The following PLXDC2 variants were observed in gnomAD, a reference collection of about 807,000 sequenced individuals.
The protein encoded by PLXDC2 is plexin domain-containing protein 2.
PLXDC2 carries 40 observed loss-of-function variants against 68.9 expected under a neutral mutation model. The observed-to-expected ratio is 0.58, with a 90% CI of 0.45 to 0.76. The LOEUF is 0.76. PLXDC2 is among the 30% of genes least tolerant of loss of function. PLXDC2 has a pLI of 0.00. For synonymous variants in PLXDC2, 243 were observed against 234.2 expected (o/e 1.04, Z -0.34); for missense variants, 644 against 661.9 (o/e 0.97, Z 0.30).
intron 1 of PLXDC2, among the ~76,000 whole-genome samples, chr10:19,856,293 C>G (rs1156438545): frequency 6.6e-6 from 1 of 151,618 alleles, no homozygotes; most frequent in Non-Finnish European, 1.5e-5. Context: ...TAGGCTTTGG[C>G]ATGATAACAT....
chr10:19,899,442 C>T (rs184843937), intron 1 of PLXDC2, among the ~76,000 whole-genome samples: 4 of 152,124 alleles, frequency 2.6e-5, no homozygotes, highest in Non-Finnish European at 5.9e-5. Context: ...TTTAAATTAC[C>T]AACTGTTGCC....
chr10:19,861,544 A>T (rs1837320253), intron 1 of PLXDC2, among the ~76,000 whole-genome samples: 1 of 152,102 alleles, frequency 6.6e-6, no homozygotes, highest in Non-Finnish European at 1.5e-5. Flanking sequence ...TTCAGCCTCA[A>T]TTTATGCCTC....
chr10:19,866,089 T>C (rs1032589160), intron 1 of PLXDC2, among the ~76,000 whole-genome samples: 1 of 152,236 alleles, frequency 6.6e-6, no homozygotes, highest in Non-Finnish European at 1.5e-5. Context: ...GTAGTTTTCT[T>C]GGCTCTTTAG....
intron 1 of PLXDC2, among the ~76,000 whole-genome samples, chr10:19,991,257 AAAC>A (rs1261297568): frequency 6.5e-4 from 98 of 151,790 alleles, no homozygotes; most frequent in Middle Eastern, 3.4e-3. Context: ...AAAAAAAAAA[AAAC>A]AACAACTGTG....
At chr10:20,194,998 C>A (rs1035771912) in intron 9 of PLXDC2, among the ~76,000 whole-genome samples, 4 of 151,768 alleles carry the variant, frequency 2.6e-5, no homozygotes, top group Non-Finnish European at 4.4e-5. Flanking sequence ...ATAGTGCTTA[C>A]CTGAAAGATT....
chr10:20,260,802 A>T (rs1835800154), intron 13 of PLXDC2, among the ~76,000 whole-genome samples: 1 of 152,156 alleles, frequency 6.6e-6, no homozygotes, highest in Non-Finnish European at 1.5e-5. Context: ...ACCAGTTTAC[A>T]TTTCCCCCAA....
chr10:19,907,086 A>G (rs927822276), intron 1 of PLXDC2, among the ~76,000 whole-genome samples: 1 of 152,240 alleles, frequency 6.6e-6, no homozygotes, highest in African/African-American at 2.4e-5. Context: ...AGGAAGATTT[A>G]TTGTGGCATG....
chr10:20,033,476 C>T (rs1174947861), intron 2 of PLXDC2, among the ~76,000 whole-genome samples: 2 of 152,042 alleles, frequency 1.3e-5, no homozygotes, highest in African/African-American at 2.4e-5. Context: ...TCTCATGCTA[C>T]TAAATAAAGA....
At chr10:19,991,825 A>T (rs1239984226) in intron 1 of PLXDC2, among the ~76,000 whole-genome samples, 2 of 152,266 alleles carry the variant, frequency 1.3e-5, no homozygotes, top group East Asian at 3.9e-4. Context: ...AAAAGAATTG[A>T]TTACATCTGG....
intron 1 of PLXDC2, among the ~76,000 whole-genome samples, chr10:19,871,581 C>T (rs1001098647): frequency 6.6e-6 from 1 of 152,026 alleles, no homozygotes; most frequent in Non-Finnish European, 1.5e-5. Flanking sequence ...GAGTCTTTTC[C>T]TCTAGTGTAT....
intron 4 of PLXDC2, among the ~76,000 whole-genome samples, chr10:20,135,474 A>C (rs570945642): frequency 6.6e-6 from 1 of 152,338 alleles, no homozygotes; most frequent in East Asian, 1.9e-4. Context: ...TTCTTTGAGG[A>C]ACAAGATGGA....
chr10:19,875,327 G>A (rs991782425), intron 1 of PLXDC2, among the ~76,000 whole-genome samples: 7 of 152,160 alleles, frequency 4.6e-5, no homozygotes, highest in African/African-American at 1.7e-4. Context: ...CAAAAAGTAG[G>A]TAACTGAAGG....
chr10:19,906,241 G>A (rs191275444), intron 1 of PLXDC2, among the ~76,000 whole-genome samples: 1 of 152,154 alleles, frequency 6.6e-6, no homozygotes, highest in Admixed American at 6.5e-5. Context: ...TCAGGCACAG[G>A]GTGGCCAGTG....
intron 1 of PLXDC2, among the ~76,000 whole-genome samples, chr10:19,888,720 G>C (rs1397258377): frequency 6.6e-6 from 1 of 152,170 alleles, no homozygotes; most frequent in Non-Finnish European, 1.5e-5. Context: ...TTTGTCAAAT[G>C]ATGAGGTTTG....
intron 1 of PLXDC2, among the ~76,000 whole-genome samples, chr10:19,873,513 C>A (rs1837581957): frequency 6.7e-6 from 1 of 150,310 alleles, no homozygotes; most frequent in Admixed American, 6.7e-5. Flanking sequence ...TGGGTTCAAG[C>A]CATTCTCTCC....
chr10:20,140,793 A>G lies in PLXDC2; in HGVS notation c.542-2502A>G, dbSNP rs143515453. 2.6e-5 allele frequency among the ~76,000 whole-genome samples: 4 copies of G among 152,250 alleles called. No individual in the cohort carries two copies. The East Asian group carries it at 7.7e-4, about 29-fold the overall frequency. ...AGTAACTTTCAATATGACCAAGAAA[A>G]ACAAACAATATTCCCTGAATTAGTA... On this transcript the variant is annotated intron_variant, in intron 4 of 13. Coordinates refer to ENST00000377252, the MANE Select transcript of PLXDC2 (RefSeq NM_032812.9).
chr10:19,907,175 C>T (rs1030970221), intron 1 of PLXDC2, among the ~76,000 whole-genome samples: 4 of 151,962 alleles, frequency 2.6e-5, no homozygotes, highest in East Asian at 1.9e-4. Flanking sequence ...TTTTCTTGAG[C>T]GCTAAGAGCC....
At chr10:19,967,815 G>A (rs1324746721) in intron 1 of PLXDC2, among the ~76,000 whole-genome samples, 3 of 152,160 alleles carry the variant, frequency 2.0e-5, no homozygotes, top group Admixed American at 6.5e-5. Flanking sequence ...TATATTGACC[G>A]AAGTTTGCTT....
At chr10:20,231,768 C>T (rs556518259) in intron 12 of PLXDC2, among the ~76,000 whole-genome samples, 9 of 151,962 alleles carry the variant, frequency 5.9e-5, no homozygotes, top group Admixed American at 1.3e-4. Flanking sequence ...GTAATCCTAG[C>T]GCTTTGGGAG....
Sources: gnomAD v4.1 joint callset for allele counts (sites outside exome capture counted in the v4.1 genomes callset) on GRCh38, gnomAD v4.1.1 for gene constraint, MANE v1.5 for transcripts, NCBI Gene and HGNC (gene_info 2026-07-23, HGNC 2026-07-21) for gene names.